The following NTSR2 variants were observed in gnomAD, a reference collection of about 807,000 sequenced individuals.
The protein encoded by NTSR2 is neurotensin receptor 2, also known as neurotensin receptor type 2.
In NTSR2, 22 loss-of-function variants were observed where a neutral mutation model predicts 24.1. The observed-to-expected ratio is 0.91, with a 90% CI of 0.65 to 1.30. The LOEUF is 1.30. Ranked by LOEUF, NTSR2 falls within the 50% of genes most tolerant of loss-of-function variation. The pLI is 0.00. For synonymous variants in NTSR2, 291 were observed against 267.0 expected, an observed-to-expected ratio of 1.09 and a Z score of -0.88; for missense variants, 570 against 570.4, an observed-to-expected ratio of 1.00 and a Z score of 0.01.
chr2:11,662,012 C>CT lies in NTSR2; in HGVS notation c.852dup (p.Asp285ArgfsTer41). ...TGGAGGCTGCGGATCCGGCGCACGT[C>CT]TTTATGTCTCACCAGGCTGACCTGG... On this transcript the variant is annotated frameshift_variant, in exon 2 of 4. Transcript: ENST00000306928. LOFTEE classifies it high-confidence loss of function. 6.2e-7 allele frequency: 1 copy of CT among 1,612,686 alleles called. No homozygotes were observed. The highest frequency in any genetic ancestry group is 8.5e-7 in the Non-Finnish European group (1 of 1,179,416).
intron 1 of NTSR2, among the ~76,000 whole-genome samples, chr2:11,662,649 C>T (rs1443762578): frequency 1.3e-5 from 2 of 152,170 alleles, no homozygotes; most frequent in African/African-American, 2.4e-5. Context: ...GGCGTGGTAG[C>T]GGGCGCCTGT....
chr2:11,667,655 T>C (rs911491265), intron 1 of NTSR2, among the ~76,000 whole-genome samples: 1 of 152,212 alleles, frequency 6.6e-6, no homozygotes, highest in Non-Finnish European at 1.5e-5. Context: ...TTATAAACTT[T>C]TAAATGCGAA....
At chr2:11,663,337 A>T (rs1183953755) in intron 1 of NTSR2, among the ~76,000 whole-genome samples, 1 of 152,108 alleles carries the variant, frequency 6.6e-6, no homozygotes, top group African/African-American at 2.4e-5. Flanking sequence ...AGACTTCCCT[A>T]TGGTCCCCCT....
chr2:11,659,114 A>G (rs1661008370), intron 3 of NTSR2, among the ~76,000 whole-genome samples: 1 of 152,104 alleles, frequency 6.6e-6, no homozygotes, highest in Non-Finnish European at 1.5e-5. Context: ...TAGCCTCCCA[A>G]AGTGCTGAGA....
chr2:11,669,128 C>T (rs1661265383), intron 1 of NTSR2, among the ~76,000 whole-genome samples: 1 of 152,138 alleles, frequency 6.6e-6, no homozygotes, highest in South Asian at 2.1e-4. Context: ...GGGAGGCCCT[C>T]TCCAGAGCCG....
At chr2:11,660,977 C>A (rs1020183724) in intron 2 of NTSR2, among the ~76,000 whole-genome samples, 13 of 152,154 alleles carry the variant, frequency 8.5e-5, no homozygotes, top group Non-Finnish European at 1.8e-4. Context: ...CTCTTACCGC[C>A]TCTGTACTGG....
chr2:11,664,101 C>G (rs756461990), intron 1 of NTSR2, among the ~76,000 whole-genome samples: 3 of 151,426 alleles, frequency 2.0e-5, no homozygotes, highest in Non-Finnish European at 2.9e-5. Flanking sequence ...TTCCACCTTT[C>G]CCTTAGCAAA....
chr2:11,669,460 G>GGGGGGGGGGCCCCCCCCCCCCCCCCCC, intron 1 of NTSR2, 46 bp downstream of exon 1: 1 of 254,726 alleles, frequency 3.9e-6, no homozygotes, highest in Non-Finnish European at 6.9e-6. Context: ...TCCCAGCACC[G>GGGGGGGGGGCCCCCCCCCCCCCCCCCC]CCCCCCCACC....
chr2:11,661,945 G>T (rs1042941126), intron 2 of NTSR2, 22 bp downstream of exon 2: 18 of 1,530,740 alleles, frequency 1.2e-5, no homozygotes, highest in Non-Finnish European at 1.6e-5. Flanking sequence ...TTCTTCTGGG[G>T]TGATGTTACA....
At chr2:11,668,376 G>A (rs1177605318) in intron 1 of NTSR2, among the ~76,000 whole-genome samples, 1 of 152,158 alleles carries the variant, frequency 6.6e-6, no homozygotes, top group African/African-American at 2.4e-5. Flanking sequence ...GTGTAGGCAG[G>A]CTGGGCTTCC....
At chr2:11,669,398 G>T in intron 1 of NTSR2, 108 bp downstream of exon 1, 1 of 946,230 alleles carries the variant, frequency 1.1e-6, no homozygotes, top group Non-Finnish European at 1.4e-6. Context: ...CTGGGTGGTG[G>T]CGAGCATTAG....
At chr2:11,665,075 T>G (rs1157222396) in intron 1 of NTSR2, among the ~76,000 whole-genome samples, 13 of 149,304 alleles carry the variant, frequency 8.7e-5, no homozygotes, top group South Asian at 2.1e-4. Context: ...TTTTTTTTTT[T>G]TTTTTTTTCC....
Position 11,667,930 on chromosome 2 carries a change from G to A in NTSR2, c.624+1576C>T, listed in dbSNP as rs117681875. On this transcript the variant is annotated intron_variant, in intron 1 of 3. Transcript: ENST00000306928. ...CAGAAAGGAACTAGGGGAGGAAGAC[G>A]TTGTTTAAAGAAATAAGAGGTGACA... 9.7e-3 allele frequency among the ~76,000 whole-genome samples: 1,480 copies of A among 152,322 alleles called. 12 individuals are homozygous for A. The highest frequency in any genetic ancestry group is 0.044 in the East Asian group (227 of 5,170).
chr2:11,668,759 C>T (rs79333363), intron 1 of NTSR2, among the ~76,000 whole-genome samples: 13 of 152,156 alleles, frequency 8.5e-5, no homozygotes, highest in African/African-American at 2.7e-4. Context: ...ACAGACACTT[C>T]GAAAGGTGAG....
At chr2:11,668,692 T>C (rs1661256046) in intron 1 of NTSR2, among the ~76,000 whole-genome samples, 1 of 152,182 alleles carries the variant, frequency 6.6e-6, no homozygotes, top group Non-Finnish European at 1.5e-5. Flanking sequence ...CATGGTCTAA[T>C]GTGACTAGAG....
chr2:11,666,975 T>C (rs1166364578), intron 1 of NTSR2, among the ~76,000 whole-genome samples: 1 of 152,142 alleles, frequency 6.6e-6, no homozygotes, highest in Non-Finnish European at 1.5e-5. Context: ...GGTGAACGTT[T>C]GTTGAGGACC....
At chr2:11,669,221 T>C (rs1446413279) in intron 1 of NTSR2, among the ~76,000 whole-genome samples, 1 of 152,162 alleles carries the variant, frequency 6.6e-6, no homozygotes, top group Non-Finnish European at 1.5e-5. Context: ...TTTCACAGGC[T>C]CTGCAGGCAA....
At chr2:11,659,253 C>T (rs540632248) in intron 3 of NTSR2, among the ~76,000 whole-genome samples, 19 of 152,348 alleles carry the variant, frequency 1.2e-4, no homozygotes, top group African/African-American at 4.6e-4. Context: ...TTCCTGGTCA[C>T]CTCATGGTAA....
chr2:11,669,455 GCACCGCCCCCCCACCCCCCCTC>G, intron 1 of NTSR2, 29 bp downstream of exon 1: 10 of 343,432 alleles, frequency 2.9e-5, no homozygotes, highest in East Asian at 1.7e-4. Flanking sequence ...CCTCCTCCCA[GCACCGCCCCCCCACCCCCCCTC>G]CCCCGACTCC....
Sources: gnomAD v4.1 joint callset for allele counts (sites outside exome capture counted in the v4.1 genomes callset) on GRCh38, gnomAD v4.1.1 for gene constraint, MANE v1.5 for transcripts, NCBI Gene and HGNC (gene_info 2026-07-23, HGNC 2026-07-21) for gene names.